The following NUP205 variants were observed in gnomAD, a reference collection of about 807,000 sequenced individuals.
The protein encoded by NUP205 is nuclear pore complex protein Nup205.
A neutral mutation model predicts 253.8 loss-of-function variants in NUP205; 76 were observed. The ratio of observed to expected loss-of-function variants is 0.30; its 90% confidence interval spans 0.25 to 0.36. The LOEUF (loss-of-function observed/expected upper bound fraction) is 0.36. NUP205 is among the 10% of genes least tolerant of loss of function. NUP205 has a pLI of 1.00. For synonymous variants in NUP205, 832 were observed against 850.1 expected, an observed-to-expected ratio of 0.98 and a Z score of 0.37; for missense variants, 2,162 against 2,425.5, an observed-to-expected ratio of 0.89 and a Z score of 2.28.
chr7:135,615,347 G>C (rs1794333592), intron 23 of NUP205, among the ~76,000 whole-genome samples: 1 of 152,050 alleles, frequency 6.6e-6, no homozygotes, highest in African/African-American at 2.4e-5. Context: ...GAACACTGAG[G>C]CAAGGAGTTC....
At chr7:135,623,841 G>T (rs547252892) in intron 31 of NUP205, among the ~76,000 whole-genome samples, 1 of 152,294 alleles carries the variant, frequency 6.6e-6, no homozygotes, top group East Asian at 1.9e-4. Context: ...AGAGTGTAGT[G>T]GCGCAATCTC....
At chr7:135,579,438 A>G (rs1222592478) in intron 7 of NUP205, among the ~76,000 whole-genome samples, 1 of 151,734 alleles carries the variant, frequency 6.6e-6, no homozygotes, top group African/African-American at 2.4e-5. Context: ...AGGTGATCCG[A>G]CTGCCTTGGC....
At chr7:135,607,199 T>C in intron 21 of NUP205, 48 bp from the exon 22 acceptor site, 3 of 1,600,384 alleles carry the variant, frequency 1.9e-6, no homozygotes, top group South Asian at 1.1e-5. Context: ...AAGATTTTAA[T>C]GCAGCAATTC....
intron 22 of NUP205, among the ~76,000 whole-genome samples, chr7:135,611,517 C>T (rs2129491014): frequency 6.6e-6 from 1 of 152,254 alleles, no homozygotes; most frequent in South Asian, 2.1e-4. Flanking sequence ...TTTTCCTTGT[C>T]TTCTTTCTCT....
chr7:135,580,612 G>A (rs889201239), intron 7 of NUP205, among the ~76,000 whole-genome samples: 47 of 151,978 alleles, frequency 3.1e-4, no homozygotes, highest in Admixed American at 1.9e-3. Context: ...ATAGTCGCAC[G>A]CCGCCACACC....
Position 135,617,234 on chromosome 7 carries a change from T to C in NUP205, c.3677T>C (p.Val1226Ala). The change falls in exon 26 of 43, where the codon GTC becomes GCC. Residue 1226 changes from valine (V) to alanine (A), a missense_variant. Physicochemically the swap from Val to Ala is moderately conservative, Grantham distance 64. Around this residue, in one of 5 missense-constraint regions of NUP205, gnomAD observed 1,144 missense variants for 1,280.9 expected, o/e 0.89. Coordinates refer to ENST00000285968, the MANE Select transcript of NUP205 (RefSeq NM_015135.3). ...CEHKNLRGQT[V>A]CNVKLLHRVL... ...CACAAGAATTTACGGGGACAGACAG[T>C]CTGCAATGTCAAGGTGAGGATTGCT... The C allele has an allele frequency of 1.2e-6, 2 of 1,613,566 alleles. No individual in the cohort carries two copies. Among genetic ancestry groups the C allele is most frequent in the African/African-American group, 1.3e-5 (1 of 75,026 alleles).
intron 17 of NUP205, among the ~76,000 whole-genome samples, chr7:135,601,905 T>TA (rs1388590426): frequency 6.6e-6 from 1 of 152,272 alleles, no homozygotes; most frequent in Non-Finnish European, 1.5e-5. Context: ...AATTATTATT[T>TA]ATTGAATGCT....
At chr7:135,613,338 A>G (rs1040652806) in intron 22 of NUP205, among the ~76,000 whole-genome samples, 1 of 151,312 alleles carries the variant, frequency 6.6e-6, no homozygotes, top group Non-Finnish European at 1.5e-5. Flanking sequence ...TAATATAAGA[A>G]CTTTTTCTCT....
At chr7:135,597,888 A>C in intron 14 of NUP205, 110 bp from the exon 15 acceptor site, 2 of 814,154 alleles carry the variant, frequency 2.5e-6, no homozygotes, top group Non-Finnish European at 2.0e-6. Flanking sequence ...AATATCTGTT[A>C]TATCTTTTGG....
At chr7:135,608,025 CT>C (rs59973248) in intron 22 of NUP205, among the ~76,000 whole-genome samples, 107,596 of 120,186 alleles carry the variant, frequency 0.9, 48,486 homozygotes, top group East Asian at 0.96. Flanking sequence ...TGGGAAAGCA[CT>C]TTTTTTTTTT....
At chr7:135,641,836 G>C (rs969927869) in intron 38 of NUP205, among the ~76,000 whole-genome samples, 5 of 151,888 alleles carry the variant, frequency 3.3e-5, no homozygotes, top group African/African-American at 1.2e-4. Flanking sequence ...AGATCTATGA[G>C]TCAGACTTTA....
intron 1 of NUP205, among the ~76,000 whole-genome samples, chr7:135,567,117 A>T (rs1805782598): frequency 5.6e-5 from 1 of 17,962 alleles, no homozygotes; most frequent in Non-Finnish European, 9.3e-5. Context: ...TGTCTTGCTC[A>T]GTCTATGTGT....
At chr7:135,573,528 A>G (rs929601759) in intron 2 of NUP205, 126 bp from the exon 3 acceptor site, 17 of 622,866 alleles carry the variant, frequency 2.7e-5, no homozygotes, top group African/African-American at 7.5e-5. Context: ...AAATTAGCTG[A>G]TAAGAAATAC....
intron 3 of NUP205, among the ~76,000 whole-genome samples, chr7:135,574,770 T>A (rs2129489805): frequency 6.6e-6 from 1 of 152,358 alleles, no homozygotes; most frequent in East Asian, 1.9e-4. Flanking sequence ...TTTCTCTGGC[T>A]GCTGTGTAGA....
intron 21 of NUP205, 84 bp from the exon 22 acceptor site, chr7:135,607,162 AG>A (rs1794103617): frequency 1.3e-6 from 2 of 1,514,210 alleles, no homozygotes; most frequent in African/African-American, 2.8e-5. Context: ...ATATATTTAA[AG>A]AATTTAACTT....
At chr7:135,618,678 T>C in intron 28 of NUP205, 75 bp downstream of exon 28, 1 of 1,302,140 alleles carries the variant, frequency 7.7e-7, no homozygotes, top group Non-Finnish European at 1.1e-6. Context: ...GGCATCCTAA[T>C]TGTTTTCCAT....
At chr7:135,570,048 T>TAGAGAGAG (rs1427743388) in intron 1 of NUP205, among the ~76,000 whole-genome samples, 8 of 99,782 alleles carry the variant, frequency 8.0e-5, no homozygotes, top group East Asian at 2.6e-4. Flanking sequence ...TATATATATA[T>TAGAGAGAG]ATATAGAGAG....
At chr7:135,593,835 G>T (rs909954603) in intron 12 of NUP205, among the ~76,000 whole-genome samples, 1 of 152,188 alleles carries the variant, frequency 6.6e-6, no homozygotes, top group Non-Finnish European at 1.5e-5. Context: ...AATGGGAGGG[G>T]AGGATAGGGA....
In NUP205 at chr7:135,607,262, C is replaced by T; in HGVS notation, c.3086C>T (p.Pro1029Leu). ...TTTCATGCAGGAGTGTTAGGTTGCCCTCGGACATGCCTTCACGCCATTCTA... is the reference window on the plus strand; with the variant it reads ...TTTCATGCAGGAGTGTTAGGTTGCCTTCGGACATGCCTTCACGCCATTCTA... Reference protein sequence around the residue: ...NLQDPGVLGCPRTCLHAILNI... With the variant: ...NLQDPGVLGCLRTCLHAILNI... The change falls in exon 22 of 43, where the codon CCT becomes CTT. Residue 1029 changes from proline to leucine, a missense_variant. Coordinates refer to ENST00000285968, the MANE Select transcript of NUP205 (RefSeq NM_015135.3). 6.2e-7 allele frequency: 1 copy of T among 1,613,920 alleles called. No individual in the cohort carries two copies. The highest frequency in any genetic ancestry group is 8.5e-7 in the Non-Finnish European group (1 of 1,179,920).
Sources: allele counts gnomAD v4.1 joint callset (sites outside exome capture counted in the v4.1 genomes callset), GRCh38; gene constraint gnomAD v4.1.1; regional missense constraint gnomAD v4.1.1; transcripts MANE v1.5; gene names NCBI Gene and HGNC (gene_info 2026-07-23, HGNC 2026-07-21).